Variants in DISP1 observed in about 807,000 individuals in gnomAD.
The protein encoded by DISP1 is protein dispatched homolog 1.
In DISP1, 30 loss-of-function variants were observed where a neutral mutation model predicts 37.3. The ratio of observed to expected loss-of-function variants is 0.80; its 90% CI spans 0.60 to 1.09. DISP1 has a LOEUF of 1.09. Among genes scored for constraint, DISP1 ranks in the 50% least tolerant of loss-of-function variants. DISP1 has a pLI of 0.00. For missense variants in DISP1, 1,598 were observed against 1,879.5 expected (o/e 0.85, Z 2.77); for synonymous variants, 634 against 690.2 (o/e 0.92, Z 1.28).
intron 1 of DISP1, among the ~76,000 whole-genome samples, chr1:222,888,387 G>GTTTAAAATTTTATGT (rs1670756571): frequency 6.6e-6 from 1 of 152,060 alleles, no homozygotes; most frequent in Non-Finnish European, 1.5e-5. Flanking sequence ...CTTTTAAAAA[G>GTTTAAAATTTTATGT]TTAAAAATTT....
intron 1 of DISP1, among the ~76,000 whole-genome samples, chr1:222,876,984 G>T (rs543488778): frequency 1.3e-5 from 2 of 152,272 alleles, no homozygotes; most frequent in African/African-American, 4.8e-5. Flanking sequence ...CGCAAATTAA[G>T]ATGAATATAT....
At chr1:222,836,261 G>C (rs935924591) in intron 1 of DISP1, among the ~76,000 whole-genome samples, 1 of 152,138 alleles carries the variant, frequency 6.6e-6, no homozygotes, top group African/African-American at 2.4e-5. Context: ...GACTGTGAAG[G>C]TTTCTTCCTG....
chr1:222,881,516 C>T (rs1331486201), intron 1 of DISP1, among the ~76,000 whole-genome samples: 3 of 152,110 alleles, frequency 2.0e-5, no homozygotes, highest in Non-Finnish European at 2.9e-5. Context: ...GGTAAAGTAG[C>T]GCTTTAGTTG....
rs67660273 is a variant in DISP1 at position 222,984,435 on chromosome 1, T to TATATAGAGAG, written c.539+1327_539+1328insTATAGAGAGA. Among the ~76,000 whole-genome samples the TATATAGAGAG allele has an allele frequency of 4.5e-3, 489 of 108,360 alleles. 10 individuals are homozygous for TATATAGAGAG. The highest frequency in any genetic ancestry group is 0.01 in the African/African-American group (277 of 26,408). The allele number at this position is 108,360 out of a possible 152,430, so 71.1% of individuals were successfully genotyped here. On this transcript the variant is annotated intron_variant, in intron 4 of 8. Coordinates refer to ENST00000675850, the MANE Select transcript of DISP1 (RefSeq NM_001377229.1). ...AAAAAAAAAAAAATATATATATATA[T>TATATAGAGAG]AGAGAGAGAGAGAGAGAGAGAGAGC...
intron 2 of DISP1, among the ~76,000 whole-genome samples, chr1:222,938,604 A>C (rs1674139837): frequency 6.6e-6 from 1 of 151,396 alleles, no homozygotes; most frequent in Admixed American, 6.6e-5. Flanking sequence ...ATGATGGTAC[A>C]TGCCTATGGT....
intron 1 of DISP1, among the ~76,000 whole-genome samples, chr1:222,863,081 C>G (rs558826314): frequency 6.6e-6 from 1 of 152,174 alleles, no homozygotes; most frequent in Admixed American, 6.5e-5. Flanking sequence ...TGGAAAACCA[C>G]AGAAGAGATG....
At chr1:222,852,760 C>T (rs911795724) in intron 1 of DISP1, among the ~76,000 whole-genome samples, 1 of 152,070 alleles carries the variant, frequency 6.6e-6, no homozygotes, top group East Asian at 1.9e-4. Context: ...ATAATCAAAC[C>T]AAATGAACAA....
chr1:222,857,131 CTG>C (rs1389927942), intron 1 of DISP1, among the ~76,000 whole-genome samples: 19 of 152,126 alleles, frequency 1.2e-4, no homozygotes, highest in Non-Finnish European at 2.9e-5. Flanking sequence ...CACTTAAAAA[CTG>C]TGAATTTCAG....
At chr1:222,896,184 C>T (rs1671247247) in intron 1 of DISP1, among the ~76,000 whole-genome samples, 1 of 152,072 alleles carries the variant, frequency 6.6e-6, no homozygotes. Flanking sequence ...TGATGCATGC[C>T]TGTGGTCCCA....
At chr1:222,944,007 G>A (rs1674576170) in intron 3 of DISP1, among the ~76,000 whole-genome samples, 1 of 152,186 alleles carries the variant, frequency 6.6e-6, no homozygotes, top group African/African-American at 2.4e-5. Context: ...TCCAGCCTGG[G>A]CAACAAGAGT....
chr1:222,934,528 A>G (rs1424493962), intron 2 of DISP1, among the ~76,000 whole-genome samples: 1 of 152,090 alleles, frequency 6.6e-6, no homozygotes, highest in African/African-American at 2.4e-5. Flanking sequence ...CCAACGAGGT[A>G]CCAGTAATCA....
rs1669680873 is a variant in DISP1 at position 222,873,033 on chromosome 1, C to G, written c.-158-55397C>G. Reference sequence around the variant, plus strand: ...TTTCTGCCTTCATTTCGTTATGTACCCAGTAGTCATTCAGGAGCAGGTTGT... The same window carrying G: ...TTTCTGCCTTCATTTCGTTATGTACGCAGTAGTCATTCAGGAGCAGGTTGT... On this transcript the variant is annotated intron_variant, in intron 1 of 8. Transcript: ENST00000675850. 2.0e-5 allele frequency among the ~76,000 whole-genome samples: 3 copies of G among 152,052 alleles called. No individual in the cohort carries two copies. The South Asian group carries it at 6.2e-4, about 32-fold the overall frequency.
intron 1 of DISP1, among the ~76,000 whole-genome samples, chr1:222,865,582 C>G (rs1258382235): frequency 6.6e-6 from 1 of 152,050 alleles, no homozygotes; most frequent in Non-Finnish European, 1.5e-5. Context: ...ATTTTAAAAG[C>G]AAAGTTCTGT....
At chr1:222,910,731 A>G (rs183702756) in intron 1 of DISP1, among the ~76,000 whole-genome samples, 12 of 152,366 alleles carry the variant, frequency 7.9e-5, no homozygotes, top group Non-Finnish European at 1.5e-4. Flanking sequence ...TTCTGAGTCA[A>G]AGCAGTCTAA....
At chr1:222,849,332 G>T (rs1303113320) in intron 1 of DISP1, among the ~76,000 whole-genome samples, 1 of 152,014 alleles carries the variant, frequency 6.6e-6, no homozygotes, top group Non-Finnish European at 1.5e-5. Context: ...TATTTTTTGC[G>T]CAAATAACCA....
At chr1:222,834,244 A>G (rs77331293) in intron 1 of DISP1, among the ~76,000 whole-genome samples, 2 of 152,148 alleles carry the variant, frequency 1.3e-5, no homozygotes, top group Admixed American at 6.5e-5. Flanking sequence ...GAAAAAAAAA[A>G]GATATAAACA....
chr1:222,903,866 G>A (rs1182018896), intron 1 of DISP1, among the ~76,000 whole-genome samples: 1 of 152,210 alleles, frequency 6.6e-6, no homozygotes, highest in Non-Finnish European at 1.5e-5. Context: ...AACTACTTCT[G>A]TGCATTAGAA....
intron 1 of DISP1, among the ~76,000 whole-genome samples, chr1:222,923,682 A>G (rs1672931200): frequency 1.3e-5 from 2 of 152,176 alleles, no homozygotes; most frequent in Non-Finnish European, 2.9e-5. Context: ...GGAGATTTCC[A>G]GTGGAGAATC....
chr1:222,896,805 A>G (rs1671287601), intron 1 of DISP1, among the ~76,000 whole-genome samples: 1 of 152,246 alleles, frequency 6.6e-6, no homozygotes, highest in Non-Finnish European at 1.5e-5. Flanking sequence ...AAAGATGAGC[A>G]TCATCATTAG....
Sources: gnomAD v4.1 joint callset for allele counts (sites outside exome capture counted in the v4.1 genomes callset) on GRCh38, gnomAD v4.1.1 for gene constraint, MANE v1.5 for transcripts, NCBI Gene and HGNC (gene_info 2026-07-23, HGNC 2026-07-21) for gene names.